Variants in LRRK2 observed in about 807,000 individuals in gnomAD.
LRRK2 encodes the protein leucine-rich repeat serine/threonine-protein kinase 2.
In LRRK2, 203 loss-of-function variants were observed where a neutral mutation model predicts 302.6. The observed-to-expected ratio is 0.67, with a 90% CI of 0.60 to 0.75. The LOEUF is 0.75. Among genes scored for constraint, LRRK2 ranks in the 30% least tolerant of loss-of-function variants. The pLI is 0.00. For missense variants in LRRK2, 2,830 were observed against 2,951.0 expected, an observed-to-expected ratio of 0.96 and a Z score of 0.95; for synonymous variants, 1,066 against 1,031.9, an observed-to-expected ratio of 1.03 and a Z score of -0.63.
intron 23 of LRRK2, 75 bp downstream of exon 23, chr12:40,295,719 A>G: frequency 7.1e-7 from 1 of 1,411,120 alleles, no homozygotes; most frequent in South Asian, 1.2e-5. Flanking sequence ...TGCATAATTA[A>G]GTCGTTTAAA....
At chr12:40,264,614 C>A (rs17461692) in intron 14 of LRRK2, among the ~76,000 whole-genome samples, 2,292 of 152,268 alleles carry the variant, frequency 0.015, 149 homozygotes, top group Admixed American at 0.099. Context: ...AGTGAGACTT[C>A]GTCTCAAAAC....
intron 27 of LRRK2, 73 bp downstream of exon 27, chr12:40,304,207 AT>A (rs754859158): frequency 6.8e-7 from 1 of 1,465,668 alleles, no homozygotes; most frequent in Non-Finnish European, 9.4e-7. Flanking sequence ...TTTAAGTGAT[AT>A]TTAGCTTCTA....
Position 40,340,436 on chromosome 12 carries a change from A to C in LRRK2, c.6091A>C (p.Thr2031Pro). 6.2e-7 allele frequency: 1 copy of C among 1,613,812 alleles called. No homozygotes were observed. Among genetic ancestry groups the C allele is most frequent in the Non-Finnish European group, 8.5e-7 (1 of 1,179,798 alleles). Residue 2031 changes from threonine (T) to proline (P), a missense_variant, in exon 41 of 51, where the codon ACA becomes CCA. Thr to Pro is a conservative substitution (Grantham distance 38). Around this residue, in one of 3 missense-constraint regions of LRRK2, gnomAD observed 253 missense variants for 346.7 expected, o/e 0.73. Coordinates refer to ENST00000298910, the MANE Select transcript of LRRK2 (RefSeq NM_198578.4). Reference protein sequence around the residue: ...AQYCCRMGIKTSEGTPGFRAP... With the variant: ...AQYCCRMGIKPSEGTPGFRAP... ...GTACTGCTGTAGAATGGGGATAAAA[A>C]CATCAGAGGGCACACCAGGTAGGTG...
At chr12:40,338,090 C>T (rs562188149) in intron 40 of LRRK2, among the ~76,000 whole-genome samples, 1 of 152,286 alleles carries the variant, frequency 6.6e-6, no homozygotes, top group Non-Finnish European at 1.5e-5. Context: ...TTATATTGTT[C>T]TTGAGGTTGA....
At chr12:40,226,606 A>G (rs17490627) in intron 2 of LRRK2, among the ~76,000 whole-genome samples, 1 of 152,294 alleles carries the variant, frequency 6.6e-6, no homozygotes, top group African/African-American at 2.4e-5. Flanking sequence ...CTTCTTTGAT[A>G]TGAGGACATT....
At chr12:40,269,261 C>CT (rs1565697027) in intron 14 of LRRK2, among the ~76,000 whole-genome samples, 1 of 152,116 alleles carries the variant, frequency 6.6e-6, no homozygotes, top group Non-Finnish European at 1.5e-5. Context: ...AAACTAAATG[C>CT]TTACATGGTA....
At chr12:40,271,022 C>T (rs1334393866) in intron 14 of LRRK2, among the ~76,000 whole-genome samples, 2 of 152,040 alleles carry the variant, frequency 1.3e-5, no homozygotes, top group African/African-American at 4.8e-5. Context: ...TCAAGCAATC[C>T]TGCCTCGACC....
chr12:40,306,111 T>A (rs1944814194), intron 28 of LRRK2, 145 bp downstream of exon 28: 1 of 637,362 alleles, frequency 1.6e-6, no homozygotes, highest in Non-Finnish European at 2.7e-6. Flanking sequence ...CATTTGCCTT[T>A]CATTTAATGA....
intron 20 of LRRK2, among the ~76,000 whole-genome samples, chr12:40,293,011 A>G (rs1944219569): frequency 6.6e-6 from 1 of 152,066 alleles, no homozygotes; most frequent in Admixed American, 6.6e-5. Flanking sequence ...TTGTGTGATT[A>G]CAACATTTAA....
chr12:40,353,077 C>T (rs541747961), intron 44 of LRRK2, among the ~76,000 whole-genome samples: 141 of 149,860 alleles, frequency 9.4e-4, no homozygotes, highest in African/African-American at 2.7e-3. Context: ...GGGCGGCGGC[C>T]GGGCGGGGGC....
chr12:40,225,847 T>G (rs1940848147), intron 2 of LRRK2, among the ~76,000 whole-genome samples: 1 of 152,160 alleles, frequency 6.6e-6, no homozygotes, highest in African/African-American at 2.4e-5. Context: ...TCCCTGAGTG[T>G]CTTTAAGAAG....
At chr12:40,268,538 A>T (rs1488844803) in intron 14 of LRRK2, among the ~76,000 whole-genome samples, 1 of 152,170 alleles carries the variant, frequency 6.6e-6, no homozygotes, top group Admixed American at 6.6e-5. Context: ...ATGAAAAGAT[A>T]CATCTTTTTT....
At chr12:40,322,235 TAAAAA>T in intron 36 of LRRK2, 54 bp downstream of exon 36, 1 of 1,384,314 alleles carries the variant, frequency 7.2e-7, no homozygotes, top group Non-Finnish European at 9.9e-7. Flanking sequence ...AATTTAAACT[TAAAAA>T]AAAAAAAAAC....
intron 45 of LRRK2, among the ~76,000 whole-genome samples, chr12:40,355,549 T>TCCTTC (rs754028820): frequency 3.5e-4 from 35 of 100,302 alleles, no homozygotes; most frequent in African/African-American, 1.1e-3. Context: ...TCCTTCTTCT[T>TCCTTC]TTTTTTTTTT....
intron 12 of LRRK2, 48 bp downstream of exon 12, chr12:40,257,425 G>A: frequency 6.4e-7 from 1 of 1,573,130 alleles, no homozygotes; most frequent in South Asian, 1.1e-5. Flanking sequence ...ATTGGGCCAG[G>A]TAGAATATCA....
At chr12:40,325,591 A>C (rs979075831) in intron 38 of LRRK2, among the ~76,000 whole-genome samples, 2 of 152,160 alleles carry the variant, frequency 1.3e-5, no homozygotes, top group African/African-American at 4.8e-5. Flanking sequence ...ATGTCTCCGG[A>C]TGTTGCCAAA....
chr12:40,340,520 G>T, intron 41 of LRRK2, 66 bp downstream of exon 41: 1 of 1,530,672 alleles, frequency 6.5e-7, no homozygotes, highest in Non-Finnish European at 9.0e-7. Flanking sequence ...TCAGATGTGA[G>T]TTCAGAAGAG....
chr12:40,284,373 G>A (rs550479366), intron 19 of LRRK2, among the ~76,000 whole-genome samples: 2 of 150,334 alleles, frequency 1.3e-5, no homozygotes, highest in South Asian at 4.2e-4. Context: ...TTTTGAAGGG[G>A]TACTTTTTAA....
chr12:40,306,210 T>A (rs1944818045), intron 28 of LRRK2, among the ~76,000 whole-genome samples: 1 of 152,206 alleles, frequency 6.6e-6, no homozygotes, highest in Admixed American at 6.6e-5. Flanking sequence ...CTGTTTCTTT[T>A]CAGTGGAGTA....
Sources: allele counts gnomAD v4.1 joint callset (sites outside exome capture counted in the v4.1 genomes callset), GRCh38; gene constraint gnomAD v4.1.1; regional missense constraint gnomAD v4.1.1; transcripts MANE v1.5; gene names NCBI Gene and HGNC (gene_info 2026-07-23, HGNC 2026-07-21).